Variants in TRAP1 observed in about 807,000 individuals in gnomAD.
The protein encoded by TRAP1 is heat shock protein 75 kDa, mitochondrial.
TRAP1 carries 102 observed loss-of-function variants against 89.1 expected under a neutral mutation model. The ratio of observed to expected loss-of-function variants is 1.15; its 90% CI spans 0.98 to 1.35. The LOEUF (loss-of-function observed/expected upper bound fraction) is 1.35, where lower values mean the gene tolerates loss of function less well. TRAP1 is among the 40% of genes most tolerant of loss of function. The probability of loss-of-function intolerance (pLI) is 0.00; values close to 1 mark genes in which losing one functional copy is unlikely to be tolerated. For missense variants in TRAP1, 1,256 were observed against 945.3 expected, an observed-to-expected ratio of 1.33 and a Z score of -4.31; for synonymous variants, 508 against 388.0, an observed-to-expected ratio of 1.31 and a Z score of -3.64.
intron 13 of TRAP1, 178 bp downstream of exon 13, chr16:3,664,096 G>A (rs1356299244): frequency 1.6e-6 from 1 of 631,322 alleles, no homozygotes; most frequent in Non-Finnish European, 2.5e-6. Context: ...AAAACCACAT[G>A]TGACCTCCAA....
Position 3,703,630 on chromosome 16 carries a change from G to A in TRAP1, c.89-12645C>T, listed in dbSNP as rs904414237. ...TGTCTGAGGCATGTCAGTGGGAGAC[G>A]AGTTTTTCATCAGATATACCTCTGT... On this transcript the variant is annotated intron_variant, in intron 1 of 17. Transcript: ENST00000246957. Among the ~76,000 whole-genome samples, 83 of 152,088 alleles carry A rather than the reference G, an allele frequency of 5.5e-4. 3 individuals are homozygous for A. Among genetic ancestry groups the A allele is most frequent in the African/African-American group, 1.7e-3 (72 of 41,354 alleles).
At chr16:3,699,168 C>A (rs977265806) in intron 1 of TRAP1, among the ~76,000 whole-genome samples, 1 of 152,176 alleles carries the variant, frequency 6.6e-6, no homozygotes, top group Admixed American at 6.5e-5. Flanking sequence ...AGTGCCCATG[C>A]AGCTCCTCCA....
At chr16:3,704,615 C>G (rs143870951) in intron 1 of TRAP1, among the ~76,000 whole-genome samples, 9 of 152,226 alleles carry the variant, frequency 5.9e-5, no homozygotes, top group Admixed American at 1.3e-4. Flanking sequence ...GGAGGGAGAT[C>G]CAGGCAGGAG....
intron 5 of TRAP1, among the ~76,000 whole-genome samples, chr16:3,679,119 G>A (rs895925568): frequency 5.3e-5 from 8 of 152,008 alleles, no homozygotes; most frequent in Admixed American, 1.3e-4. Flanking sequence ...GTGAAACCCC[G>A]TCTCTACTAA....
chr16:3,696,050 A>C (rs990411340), intron 1 of TRAP1, among the ~76,000 whole-genome samples: 1 of 152,182 alleles, frequency 6.6e-6, no homozygotes, highest in Non-Finnish European at 1.5e-5. Flanking sequence ...GACAGGGCCC[A>C]GGCGCGATGA....
chr16:3,658,412 G>A (rs1046350135), intron 17 of TRAP1, 182 bp from the exon 18 acceptor site: 17 of 613,266 alleles, frequency 2.8e-5, no homozygotes, highest in African/African-American at 1.1e-4. Flanking sequence ...GAGCCACCAC[G>A]CCTGGCCATT....
chr16:3,673,359 C>G (rs1238321282), intron 9 of TRAP1, among the ~76,000 whole-genome samples: 1 of 152,196 alleles, frequency 6.6e-6, no homozygotes, highest in African/African-American at 2.4e-5. Context: ...TTAGTGGCTA[C>G]GAAAGACACC....
intron 11 of TRAP1, among the ~76,000 whole-genome samples, chr16:3,667,757 A>AT (rs745741003): frequency 8.5e-4 from 100 of 117,704 alleles, no homozygotes; most frequent in South Asian, 1.8e-3. Flanking sequence ...TAACACATCA[A>AT]TTTTTTTTTT....
At chr16:3,715,958 G>A (rs1298229980) in intron 1 of TRAP1, among the ~76,000 whole-genome samples, 2 of 152,116 alleles carry the variant, frequency 1.3e-5, no homozygotes, top group South Asian at 2.1e-4. Context: ...TGCCTCCTGG[G>A]TTCAAGCGAT....
At chr16:3,687,329 T>G (rs2051151107) in intron 3 of TRAP1, 1 of 152,334 alleles carries the variant, frequency 6.6e-6, no homozygotes, top group East Asian at 1.9e-4. Flanking sequence ...ACTGTGAGAC[T>G]TCCCCAGCCA....
chr16:3,662,448 T>C (rs2043137493), intron 15 of TRAP1: 2 of 538,398 alleles, frequency 3.7e-6, no homozygotes, highest in South Asian at 2.0e-5. Context: ...CAAGTGACCA[T>C]GCATGGGACG....
chr16:3,674,123 G>A (rs2151254081), intron 9 of TRAP1, among the ~76,000 whole-genome samples: 1 of 152,186 alleles, frequency 6.6e-6, no homozygotes, highest in East Asian at 1.9e-4. Context: ...GTCTCACTAT[G>A]TTGGCCAGCC....
Position 3,662,117 on chromosome 16 carries a change from C to T in TRAP1, c.1810G>A (p.Asp604Asn), listed in dbSNP as rs755119711. 27 of 1,612,488 alleles carry T rather than the reference C, an allele frequency of 1.7e-5. No homozygotes were observed. The East Asian group carries it at 5.6e-4, about 33-fold the overall frequency. ...ACGGTGACCATGGCAGGGTGGGTGTCCAGTCGGAGGGTCACCTGTGAGCAA... is the reference window on the plus strand; with the variant it reads ...ACGGTGACCATGGCAGGGTGGGTGTTCAGTCGGAGGGTCACCTGTGAGCAA... The part of the protein sequence containing the change: ...VTNVKVTLRL[D>N]THPAMVTVLE... Residue 604 changes from aspartate to asparagine, a missense_variant, in exon 16 of 18, where the codon GAC becomes AAC. Physicochemically the swap from Asp to Asn is conservative, Grantham distance 23 (BLOSUM62 1). Coordinates refer to ENST00000246957, the MANE Select transcript of TRAP1 (RefSeq NM_016292.3).
rs138210295 is a variant in TRAP1 at position 3,666,074 on chromosome 16, A to T, written c.1280T>A (p.Ile427Asn). Reference protein sequence around the residue: ...VLQQRLIKFFIDQSKKDAEKY... With the variant: ...VLQQRLIKFFNDQSKKDAEKY... ...CTCAGCATCTTTTTTACTCTGGTCAATGAAGAATTTGATCAGCCTCTGCTG... is the reference window on the plus strand; with the variant it reads ...CTCAGCATCTTTTTTACTCTGGTCATTGAAGAATTTGATCAGCCTCTGCTG... Residue 427 changes from isoleucine (I) to asparagine (N), a missense_variant, in exon 12 of 18, where the codon ATT (isoleucine) becomes AAT (asparagine). Transcript: ENST00000246957. 3.1e-6 allele frequency: 5 copies of T among 1,614,006 alleles called. No homozygotes were observed. The African/African-American group carries it at 6.7e-5, about 22-fold the overall frequency.
intron 13 of TRAP1, 61 bp downstream of exon 13, chr16:3,664,213 A>G: frequency 6.9e-7 from 1 of 1,456,684 alleles, no homozygotes; most frequent in South Asian, 1.4e-5. Context: ...CAGAGCTGAG[A>G]AGGTCAAGAC....
At chr16:3,673,324 A>T (rs2050941047) in intron 9 of TRAP1, among the ~76,000 whole-genome samples, 1 of 152,222 alleles carries the variant, frequency 6.6e-6, no homozygotes, top group African/African-American at 2.4e-5. Context: ...GCAGCAGGGC[A>T]GTGCTGCTTC....
intron 13 of TRAP1, 59 bp from the exon 14 acceptor site, chr16:3,663,621 A>G: frequency 6.2e-7 from 1 of 1,605,512 alleles, no homozygotes; most frequent in Non-Finnish European, 8.5e-7. Context: ...ACCACAGAAG[A>G]AAGGATGAGG....
chr16:3,686,649 C>A (rs1038835039), intron 3 of TRAP1, among the ~76,000 whole-genome samples: 1 of 152,102 alleles, frequency 6.6e-6, no homozygotes, highest in African/African-American at 2.4e-5. Context: ...CCTGAAGTTA[C>A]GTGTCCATCT....
chr16:3,709,037 G>T (rs548452270), intron 1 of TRAP1, among the ~76,000 whole-genome samples: 1 of 151,546 alleles, frequency 6.6e-6, no homozygotes, highest in Non-Finnish European at 1.5e-5. Context: ...GGATGGTCTC[G>T]ATCTCCTGAC....
Sources: allele counts gnomAD v4.1 joint callset (sites outside exome capture counted in the v4.1 genomes callset), GRCh38; gene constraint gnomAD v4.1.1; transcripts MANE v1.5; gene names NCBI Gene and HGNC (gene_info 2026-07-23, HGNC 2026-07-21).